SLC6A16: variants seen among roughly 807,000 people sequenced by gnomAD.
SLC6A16 encodes orphan sodium- and chloride-dependent neurotransmitter transporter NTT5.
SLC6A16 carries 54 observed loss-of-function variants against 65.4 expected under a neutral mutation model. The ratio of observed to expected loss-of-function variants is 0.83; its 90% CI spans 0.66 to 1.04. The LOEUF is 1.04. Among genes scored for constraint, SLC6A16 ranks in the 50% least tolerant of loss-of-function variants. The pLI is 0.00. For synonymous variants in SLC6A16, 330 were observed against 346.5 expected, an observed-to-expected ratio of 0.95 and a Z score of 0.53; for missense variants, 816 against 914.0, an observed-to-expected ratio of 0.89 and a Z score of 1.38.
At chr19:49,321,605 G>A (rs1480253434) in intron 1 of SLC6A16, among the ~76,000 whole-genome samples, 1 of 152,136 alleles carries the variant, frequency 6.6e-6, no homozygotes, top group Non-Finnish European at 1.5e-5. Flanking sequence ...ATGTGGTGGT[G>A]TGCACCTGTA....
Position 49,292,298 on chromosome 19 carries a change from C to T in SLC6A16, c.1778+925G>A, listed in dbSNP as rs1185918006. The stretch of plus-strand genomic sequence containing the variant: ...AGGAGAATTGCTTGAACCCGGGAGG[C>T]GGAGGTTGCAGTGAGCTGAGATCGC... On this transcript the variant is annotated intron_variant, in intron 10 of 11. Transcript: ENST00000335875. The surrounding 1 kb of genome is among the most constrained non-coding windows in gnomAD (Gnocchi z 4.3). Among the ~76,000 whole-genome samples, 6 of 152,010 alleles carry T rather than the reference C, an allele frequency of 3.9e-5. No homozygotes were observed. Among genetic ancestry groups the T allele is most frequent in the Admixed American group, 6.6e-5 (1 of 15,264 alleles).
At chr19:49,339,728 C>G in the SLC6A16 span, 1 of 1,399,122 alleles carries the variant, frequency 7.1e-7, no homozygotes, top group Non-Finnish European at 9.2e-7. This position sits in a 1 kb window ranked among gnomAD's most constrained non-coding sequence, Gnocchi z 4.5. Context: ...CCGCACGTGC[C>G]GGGCGCTGGG....
chr19:49,328,739 A>AT (rs1249824562), upstream of SLC6A16, among the ~76,000 whole-genome samples: 1 of 152,262 alleles, frequency 6.6e-6, no homozygotes, highest in African/African-American at 2.4e-5. Context: ...TCCAATGAAC[A>AT]TAAGTAATGG....
At chr19:49,332,152 C>T in the SLC6A16 span, 230 of 456,742 alleles carry the variant, frequency 5.0e-4, 5 homozygotes, top group South Asian at 3.5e-3. Context: ...TCTTCCATCT[C>T]CTGGTGGCTC....
intron 5 of SLC6A16, 82 bp downstream of exon 5, chr19:49,309,569 G>A: frequency 7.2e-7 from 1 of 1,390,716 alleles, no homozygotes; most frequent in Non-Finnish European, 1.0e-6. Context: ...AGGAGTAAGA[G>A]ATTAGGAGAT....
At chr19:49,293,658 G>A (rs1190695095) in intron 9 of SLC6A16, among the ~76,000 whole-genome samples, 169 bp downstream of exon 9, 1 of 152,128 alleles carries the variant, frequency 6.6e-6, no homozygotes, top group Admixed American at 6.5e-5. Context: ...CAACTACTGG[G>A]GAGGCTGAGG....
chr19:49,333,834 G>A, the SLC6A16 span, among the ~76,000 whole-genome samples: 2 of 152,216 alleles, frequency 1.3e-5, no homozygotes, highest in African/African-American at 4.8e-5. Flanking sequence ...CCAGGTGAGA[G>A]AATTTGGGGA....
chr19:49,303,646 C>T (rs1184752055), intron 7 of SLC6A16, among the ~76,000 whole-genome samples: 3 of 135,470 alleles, frequency 2.2e-5, no homozygotes, highest in Non-Finnish European at 3.1e-5. Context: ...CAGTGTGAGA[C>T]TGTCTCAAAA....
At chr19:49,331,068 T>C in the SLC6A16 span, among the ~76,000 whole-genome samples, 1 of 152,220 alleles carries the variant, frequency 6.6e-6, no homozygotes, top group Non-Finnish European at 1.5e-5. Flanking sequence ...AAAAATATAT[T>C]ATCTCACAGT....
chr19:49,309,511 A>T, intron 5 of SLC6A16, 100 bp from the exon 6 acceptor site: 1 of 1,267,016 alleles, frequency 7.9e-7, no homozygotes, highest in Non-Finnish European at 1.1e-6. Flanking sequence ...AGTAGGAGTT[A>T]GAAGAAAGCC....
intron 11 of SLC6A16, 104 bp from the exon 12 acceptor site, chr19:49,290,496 G>T (rs773274235): frequency 7.1e-6 from 11 of 1,552,644 alleles, no homozygotes; most frequent in Non-Finnish European, 8.0e-6. Context: ...GAAAACCCAT[G>T]AGTCTTCGGG....
chr19:49,335,650 G>A, the SLC6A16 span: 2 of 1,609,832 alleles, frequency 1.2e-6, no homozygotes, highest in Non-Finnish European at 8.5e-7. This position sits in a 1 kb window ranked among gnomAD's most constrained non-coding sequence, Gnocchi z 4.6. Flanking sequence ...CCCAGCCCCT[G>A]CCGCTAACCC....
At chr19:49,321,578 A>C (rs1408460530) in intron 1 of SLC6A16, among the ~76,000 whole-genome samples, 1 of 152,160 alleles carries the variant, frequency 6.6e-6, no homozygotes, top group Non-Finnish European at 1.5e-5. Context: ...TCTACTAAAA[A>C]TACAAAAATT....
the SLC6A16 span, among the ~76,000 whole-genome samples, chr19:49,334,722 A>G: frequency 6.7e-6 from 1 of 148,990 alleles, no homozygotes; most frequent in Non-Finnish European, 1.5e-5. Context: ...GCAAGACCCC[A>G]TTTCTACAAA....
chr19:49,309,723 C>T lies in SLC6A16; in HGVS notation c.804G>A (p.Leu268=), dbSNP rs1283996840. The change falls in exon 5 of 12, where the codon CTG becomes CTA. Residue 268 remains leucine, a synonymous_variant. Coordinates refer to ENST00000335875, the MANE Select transcript of SLC6A16 (RefSeq NM_014037.3). ...ACCAGCAAAGAAAGAAGGGCAGGAC[C>T]AGACTGTAGACTGGTGACCCGCCAT... ...IEDGGSPVYS[L]VLPFFLCWCL... 7.4e-6 allele frequency: 12 copies of T among 1,613,942 alleles called. No homozygotes were observed. The Admixed American group carries it at 2.0e-4, about 27-fold the overall frequency.
At chr19:49,324,480 G>GAAGA (rs1970766789) in intron 1 of SLC6A16, among the ~76,000 whole-genome samples, 1 of 152,160 alleles carries the variant, frequency 6.6e-6, no homozygotes, top group African/African-American at 2.4e-5. Flanking sequence ...TTGAGCCCCA[G>GAAGA]GCGGACTCCT....
At chr19:49,294,227 T>A (rs1600607730) in intron 8 of SLC6A16, 140 bp downstream of exon 8, 1 of 940,886 alleles carries the variant, frequency 1.1e-6, no homozygotes, top group East Asian at 2.6e-5. Flanking sequence ...TTCCGCAAAG[T>A]ATAGTACTTT....
rs189786711 is a variant in SLC6A16 at position 49,290,750 on chromosome 19, G to T, written c.1796C>A (p.Thr599Lys). Residue 599 changes from threonine to lysine, a missense_variant, in exon 11 of 12, where the codon ACG becomes AAG. Transcript: ENST00000335875. ...AGAGATGGGGTGGCCCAACAGGATC[G>T]TCAGGTCTGCAAGGAACCTGGAGAA... ...YGARRFLADL[T>K]ILLGHPISPI... 2.2e-5 allele frequency: 36 copies of T among 1,610,666 alleles called. No homozygotes were observed. Among genetic ancestry groups the T allele is most frequent in the Non-Finnish European group, 2.9e-5 (34 of 1,178,514 alleles).
chr19:49,322,559 G>A (rs1970728672), intron 1 of SLC6A16, among the ~76,000 whole-genome samples: 1 of 151,246 alleles, frequency 6.6e-6, no homozygotes, highest in Admixed American at 6.6e-5. Flanking sequence ...ACTTGAACCT[G>A]GGAGGCAGAG....
Sources: gnomAD v4.1 joint callset for allele counts (sites outside exome capture counted in the v4.1 genomes callset) on GRCh38, gnomAD v4.1.1 for gene constraint, Gnocchi (gnomAD v3.1) non-coding constraint, MANE v1.5 for transcripts, NCBI Gene and HGNC (gene_info 2026-07-23, HGNC 2026-07-21) for gene names.